The following PATL1 variants were observed in gnomAD, a reference collection of about 807,000 sequenced individuals.
PATL1 encodes the protein protein PAT1 homolog 1.
A neutral mutation model predicts 100.6 loss-of-function variants in PATL1; 32 were observed. The observed-to-expected ratio is 0.32, with a 90% confidence interval of 0.24 to 0.43. PATL1 has a LOEUF of 0.43. Among genes scored for constraint, PATL1 ranks in the 20% least tolerant of loss-of-function variants. The pLI, the probability that PATL1 is intolerant of heterozygous loss-of-function variation, is 1.00. For synonymous variants in PATL1, 332 were observed against 330.0 expected (o/e 1.01, Z -0.07); for missense variants, 747 against 949.9 (o/e 0.79, Z 2.81).
intron 16 of PATL1, among the ~76,000 whole-genome samples, chr11:59,641,298 G>T (rs1232943281): frequency 6.6e-6 from 1 of 152,096 alleles, no homozygotes; most frequent in East Asian, 1.9e-4. Context: ...TGAAGCCTGG[G>T]TGACAGAGTG....
At chr11:59,653,090 C>A in intron 9 of PATL1, 72 bp from the exon 10 acceptor site, 1 of 1,325,650 alleles carries the variant, frequency 7.5e-7, no homozygotes. Context: ...AGGAATAAAC[C>A]AGGCCAGTTT....
chr11:59,665,767 C>T (rs1051996506), intron 2 of PATL1, among the ~76,000 whole-genome samples: 8 of 152,114 alleles, frequency 5.3e-5, no homozygotes, highest in African/African-American at 1.9e-4. Context: ...GTCTAGGTGA[C>T]AGAGCAAGAC....
At chr11:59,638,963 G>C in intron 18 of PATL1, 85 bp downstream of exon 18, 1 of 1,446,008 alleles carries the variant, frequency 6.9e-7, no homozygotes, top group Non-Finnish European at 9.4e-7. Flanking sequence ...GATTACAGGT[G>C]TGAGCCACCG....
chr11:59,660,118 T>C lies in PATL1; in HGVS notation c.128-649A>G, dbSNP rs538611341. Among the ~76,000 whole-genome samples the C allele has an allele frequency of 5.9e-5, 9 of 152,326 alleles. No homozygotes were observed. The East Asian group carries it at 1.3e-3, about 23-fold the overall frequency. ...AGTTGGTTTTGAGATTCTATGACAT[T>C]TCAAGCAAAAACTTTAAAGGGAAGT... On this transcript the variant is annotated intron_variant, in intron 2 of 18. Transcript: ENST00000300146.
intron 15 of PATL1, among the ~76,000 whole-genome samples, chr11:59,644,890 C>CTTTT (rs71036539): frequency 3.6e-5 from 3 of 83,800 alleles, no homozygotes; most frequent in South Asian, 8.4e-4. Flanking sequence ...ACTTCGTTTC[C>CTTTT]TTTTTTTTTT....
chr11:59,657,778 A>C (rs1861557320), intron 4 of PATL1, 54 bp from the exon 5 acceptor site: 13 of 1,413,518 alleles, frequency 9.2e-6, no homozygotes, highest in African/African-American at 1.4e-5. Flanking sequence ...GGTATGTTTT[A>C]GTAATCTCTA....
intron 4 of PATL1, among the ~76,000 whole-genome samples, chr11:59,658,321 G>GTTT (rs775993556): frequency 2.1e-5 from 3 of 144,918 alleles, no homozygotes; most frequent in Non-Finnish European, 1.5e-5. Flanking sequence ...ATAGAAATGA[G>GTTT]TTTTTTTTTT....
At chr11:59,660,907 T>A (rs968324658) in intron 2 of PATL1, among the ~76,000 whole-genome samples, 1 of 152,200 alleles carries the variant, frequency 6.6e-6, no homozygotes, top group Non-Finnish European at 1.5e-5. Flanking sequence ...ATTTGGTATG[T>A]TGGCATCATT....
chr11:59,641,009 T>G (rs1393751029), intron 16 of PATL1, among the ~76,000 whole-genome samples: 2 of 151,332 alleles, frequency 1.3e-5, no homozygotes, highest in African/African-American at 4.9e-5. Flanking sequence ...CTGTCTCTGC[T>G]AAAAACACAA....
At chr11:59,647,557 C>T (rs1861381888) in intron 15 of PATL1, among the ~76,000 whole-genome samples, 197 bp downstream of exon 15, 1 of 152,140 alleles carries the variant, frequency 6.6e-6, no homozygotes, top group Non-Finnish European at 1.5e-5. Context: ...TGTTTAGAAA[C>T]ATAGTCTGTT....
At chr11:59,665,659 G>A (rs367837250) in intron 2 of PATL1, among the ~76,000 whole-genome samples, 44 of 152,164 alleles carry the variant, frequency 2.9e-4, no homozygotes, top group South Asian at 1.0e-3. Context: ...TTAGCCGGGC[G>A]CTTGTGTTCT....
chr11:59,651,030 C>T (rs1274905514), intron 12 of PATL1, among the ~76,000 whole-genome samples: 1 of 152,090 alleles, frequency 6.6e-6, no homozygotes, highest in Non-Finnish European at 1.5e-5. Flanking sequence ...CAAAGGGCAA[C>T]CTTAGTAGAG....
intron 2 of PATL1, 68 bp from the exon 3 acceptor site, chr11:59,659,537 G>GTTTT: frequency 5.3e-6 from 6 of 1,129,470 alleles, no homozygotes; most frequent in Non-Finnish European, 7.3e-6. Flanking sequence ...CACAATTATT[G>GTTTT]TTTTTTTTTT....
chr11:59,652,830 G>GT lies in PATL1; in HGVS notation c.1302+7dup, dbSNP rs1231073115. ...CTATTATCCTCAAAACTAGCACAGAGTATTTACCTGGTAATAAAAATCATC... is the reference window on the plus strand; with the variant it reads ...CTATTATCCTCAAAACTAGCACAGAGTTATTTACCTGGTAATAAAAATCATC... On this transcript the variant is annotated splice_region_variant and intron_variant, in intron 10 of 18. Transcript: ENST00000300146. The GT allele has an allele frequency of 1.2e-6, 2 of 1,612,520 alleles. No individual in the cohort carries two copies. Among genetic ancestry groups the GT allele is most frequent in the African/African-American group, 2.7e-5 (2 of 75,024 alleles).
intron 9 of PATL1, 79 bp from the exon 10 acceptor site, chr11:59,653,097 GTTTT>G (rs34650341): frequency 1.9e-5 from 17 of 894,680 alleles, no homozygotes; most frequent in East Asian, 2.8e-5. Flanking sequence ...AACCAGGCCA[GTTTT>G]TTTTTTTTTT....
intron 2 of PATL1, among the ~76,000 whole-genome samples, chr11:59,659,940 G>A (rs746009617): frequency 9.2e-5 from 14 of 152,176 alleles, no homozygotes; most frequent in Non-Finnish European, 1.5e-4. Flanking sequence ...TAAGGGACAC[G>A]TAAAGCATGC....
chr11:59,658,753 A>C, intron 4 of PATL1, 113 bp downstream of exon 4: 1 of 771,400 alleles, frequency 1.3e-6, no homozygotes, highest in South Asian at 1.8e-5. Context: ...AGTAGTCGAC[A>C]TAATTCTAGC....
chr11:59,643,052 A>C lies in PATL1; in HGVS notation c.1894-17T>G. On this transcript the variant is annotated splice_polypyrimidine_tract_variant and intron_variant, in intron 15 of 18. Coordinates refer to ENST00000300146, the MANE Select transcript of PATL1 (RefSeq NM_152716.3). ...TGGCAGCACCTACAAAAAACAAATAAAAGCATTATATCCTGGCACGTGTTA... is the reference window on the plus strand; with the variant it reads ...TGGCAGCACCTACAAAAAACAAATACAAGCATTATATCCTGGCACGTGTTA... 1 of 1,612,856 alleles carries C rather than the reference A, an allele frequency of 6.2e-7. No individual in the cohort carries two copies. Among genetic ancestry groups the C allele is most frequent in the South Asian group, 1.1e-5 (1 of 90,922 alleles).
chr11:59,656,150 T>C, intron 6 of PATL1, 105 bp from the exon 7 acceptor site: 1 of 659,262 alleles, frequency 1.5e-6, no homozygotes, highest in African/African-American at 1.9e-5. Context: ...ATATAAAAAC[T>C]CTCAAATTAC....
Sources: allele counts gnomAD v4.1 joint callset (sites outside exome capture counted in the v4.1 genomes callset), GRCh38; gene constraint gnomAD v4.1.1; transcripts MANE v1.5; gene names NCBI Gene and HGNC (gene_info 2026-07-23, HGNC 2026-07-21).